ABLIM3: variants seen among roughly 807,000 people sequenced by gnomAD.
The protein encoded by ABLIM3 is actin binding LIM protein family member 3.
In ABLIM3, 61 loss-of-function variants were observed where a neutral mutation model predicts 109.5. The ratio of observed to expected loss-of-function variants is 0.56; its 90% CI spans 0.45 to 0.69. The LOEUF is 0.69. Ranked by LOEUF, ABLIM3 falls within the 30% of genes least tolerant of loss-of-function variation. The probability of loss-of-function intolerance (pLI) is 0.00; values close to 1 mark genes in which losing one functional copy is unlikely to be tolerated. For synonymous variants in ABLIM3, 300 were observed against 324.8 expected (o/e 0.92, Z 0.82); for missense variants, 796 against 889.5 (o/e 0.89, Z 1.34).
rs1451013968 is a variant in ABLIM3 at position 149,258,284 on chromosome 5, C to T, written c.1939-7C>T. ...CCCCCCACCCCCGCCTGCCCTGCCTCCTTCAGCGCCACCTGTCCCAGGAAG... is the reference window on the plus strand; with the variant it reads ...CCCCCCACCCCCGCCTGCCCTGCCTTCTTCAGCGCCACCTGTCCCAGGAAG... On this transcript the variant is annotated splice_polypyrimidine_tract_variant and splice_region_variant and intron_variant, in intron 23 of 23. Transcript: ENST00000309868. 2.5e-6 allele frequency: 4 copies of T among 1,612,908 alleles called. No homozygotes were observed. In the African/African-American group the frequency reaches 4.0e-5, roughly 16 times the overall value.
intron 6 of ABLIM3, among the ~76,000 whole-genome samples, chr5:149,208,993 G>T (rs987519600): frequency 6.6e-6 from 1 of 152,188 alleles, no homozygotes; most frequent in Non-Finnish European, 1.5e-5. Flanking sequence ...GTAGGGGAGT[G>T]TTGGACATCT....
intron 2 of ABLIM3, among the ~76,000 whole-genome samples, chr5:149,166,492 GGTAA>G (rs999652953): frequency 3.9e-5 from 6 of 152,108 alleles, no homozygotes; most frequent in Admixed American, 3.9e-4. Flanking sequence ...TTCCAAAATG[GGTAA>G]GTGACTTGCC....
At chr5:149,172,944 A>G (rs901748691) in intron 2 of ABLIM3, among the ~76,000 whole-genome samples, 5 of 152,262 alleles carry the variant, frequency 3.3e-5, no homozygotes, top group African/African-American at 1.2e-4. Context: ...AGGCCTCACA[A>G]AAACTGAATG....
chr5:149,210,872 A>G (rs1206374928), intron 7 of ABLIM3, 53 bp downstream of exon 7: 3 of 1,521,256 alleles, frequency 2.0e-6, no homozygotes, highest in African/African-American at 1.4e-5. Flanking sequence ...TGTGCCTCCA[A>G]AAAGTCATCA....
At chr5:149,244,281 G>A (rs1478904931) in intron 15 of ABLIM3, 2 of 153,426 alleles carry the variant, frequency 1.3e-5, no homozygotes, top group African/African-American at 4.8e-5. Flanking sequence ...TACAGATGAG[G>A]AAACTAAGGC....
chr5:149,251,713 C>T (rs1228697780), intron 21 of ABLIM3, among the ~76,000 whole-genome samples: 1 of 152,198 alleles, frequency 6.6e-6, no homozygotes, highest in East Asian at 1.9e-4. Flanking sequence ...CGAGGGTTGC[C>T]TGCCAGCCCC....
intron 2 of ABLIM3, among the ~76,000 whole-genome samples, chr5:149,153,792 C>T (rs1361304571): frequency 6.6e-5 from 10 of 152,280 alleles, no homozygotes. Context: ...CACCTGGCTC[C>T]CTAAACATCT....
intron 9 of ABLIM3, among the ~76,000 whole-genome samples, chr5:149,232,803 T>G (rs1387039402): frequency 6.6e-6 from 1 of 152,204 alleles, no homozygotes; most frequent in Admixed American, 6.5e-5. Context: ...CAATTTGCAA[T>G]TAATACACTG....
At chr5:149,162,784 C>T (rs1414959879) in intron 2 of ABLIM3, among the ~76,000 whole-genome samples, 2 of 152,206 alleles carry the variant, frequency 1.3e-5, no homozygotes, top group Non-Finnish European at 2.9e-5. Context: ...GCTGCTTAGA[C>T]AGTTTCTCCT....
chr5:149,249,760 T>C (rs148356528), intron 18 of ABLIM3, 55 bp from the exon 19 acceptor site: 1 of 1,609,558 alleles, frequency 6.2e-7, no homozygotes, highest in East Asian at 2.2e-5. Flanking sequence ...TGAATTGTCT[T>C]CACCATGTTT....
chr5:149,155,652 C>A (rs1211599650), intron 2 of ABLIM3, among the ~76,000 whole-genome samples: 1 of 152,118 alleles, frequency 6.6e-6, no homozygotes, highest in African/African-American at 2.4e-5. Context: ...CCTAGGCAGG[C>A]ATTCCACACA....
At chr5:149,229,095 A>G (rs2127543189) in intron 8 of ABLIM3, among the ~76,000 whole-genome samples, 1 of 152,270 alleles carries the variant, frequency 6.6e-6, no homozygotes, top group South Asian at 2.1e-4. Flanking sequence ...AATTCCTGAT[A>G]GATTCGGAAG....
At chr5:149,214,713 C>T (rs1285456607) in intron 7 of ABLIM3, among the ~76,000 whole-genome samples, 1 of 152,188 alleles carries the variant, frequency 6.6e-6, no homozygotes. Context: ...TCTTCTCATC[C>T]TGTCCCTTCC....
At chr5:149,254,780 G>A (rs553684708) in intron 23 of ABLIM3, among the ~76,000 whole-genome samples, 5 of 152,266 alleles carry the variant, frequency 3.3e-5, no homozygotes, top group African/African-American at 1.2e-4. Context: ...CAGTTTTTAG[G>A]GATGGAAACA....
intron 2 of ABLIM3, among the ~76,000 whole-genome samples, chr5:149,165,651 T>C (rs2127453190): frequency 6.6e-6 from 1 of 152,312 alleles, no homozygotes; most frequent in African/African-American, 2.4e-5. Context: ...GGATTGTCTT[T>C]TGTATGTACG....
chr5:149,153,866 G>A (rs773943013), intron 2 of ABLIM3, among the ~76,000 whole-genome samples: 5 of 152,208 alleles, frequency 3.3e-5, no homozygotes, highest in African/African-American at 7.2e-5. Flanking sequence ...TCCACATGCC[G>A]CCCTGCTGTT....
chr5:149,183,716 T>G, intron 3 of ABLIM3, 127 bp downstream of exon 3: 2 of 1,099,060 alleles, frequency 1.8e-6, no homozygotes, highest in East Asian at 3.2e-5. Flanking sequence ...TAAAGAGACT[T>G]TCCCTGAGCC....
intron 15 of ABLIM3, 111 bp from the exon 16 acceptor site, chr5:149,244,770 T>C: frequency 7.3e-7 from 1 of 1,377,698 alleles, no homozygotes; most frequent in African/African-American, 1.4e-5. Context: ...GCCCTGATCT[T>C]GAAGTGGACT....
chr5:149,236,242 G>C (rs1762338747), intron 10 of ABLIM3, among the ~76,000 whole-genome samples: 1 of 152,232 alleles, frequency 6.6e-6, no homozygotes, highest in Non-Finnish European at 1.5e-5. Flanking sequence ...CAGTGCTGAT[G>C]TGGCAGGGAT....
Sources: allele counts gnomAD v4.1 joint callset (sites outside exome capture counted in the v4.1 genomes callset), GRCh38; gene constraint gnomAD v4.1.1; transcripts MANE v1.5; gene names NCBI Gene and HGNC (gene_info 2026-07-23, HGNC 2026-07-21).